RMDN2: variants seen among roughly 807,000 people sequenced by gnomAD.
RMDN2 encodes regulator of microtubule dynamics 2.
In RMDN2, 61 loss-of-function variants were observed where a neutral mutation model predicts 52.8. The observed-to-expected ratio is 1.16, with a 90% CI of 0.94 to 1.43. The LOEUF is 1.43. RMDN2 is among the 40% of genes most tolerant of loss of function. The pLI, the probability that RMDN2 is intolerant of heterozygous loss-of-function variation, is 0.00. For synonymous variants in RMDN2, 180 were observed against 153.1 expected (o/e 1.18, Z -1.30); for missense variants, 592 against 475.3 (o/e 1.25, Z -2.28).
At chr2:37,970,140 G>A (rs932911602) in intron 2 of RMDN2, among the ~76,000 whole-genome samples, 1 of 152,008 alleles carries the variant, frequency 6.6e-6, no homozygotes, top group Non-Finnish European at 1.5e-5. Flanking sequence ...GCCATGTTGT[G>A]CAGGCTAGTT....
chr2:37,955,481 G>C (rs1334693299), intron 2 of RMDN2, among the ~76,000 whole-genome samples: 1 of 152,034 alleles, frequency 6.6e-6, no homozygotes, highest in African/African-American at 2.4e-5. Context: ...TTTTGTTTAT[G>C]TGGTATTGAT....
chr2:37,971,986 A>G (rs1241228217), intron 2 of RMDN2, among the ~76,000 whole-genome samples: 2 of 152,190 alleles, frequency 1.3e-5, no homozygotes, highest in Non-Finnish European at 2.9e-5. Context: ...TGAACGTGAT[A>G]TATTTCTCCA....
At chr2:38,011,152 C>T (rs1456727068) in intron 10 of RMDN2, among the ~76,000 whole-genome samples, 2 of 152,206 alleles carry the variant, frequency 1.3e-5, no homozygotes, top group Non-Finnish European at 2.9e-5. Flanking sequence ...TTGCCATCCT[C>T]AGTCCTCAAT....
intron 2 of RMDN2, among the ~76,000 whole-genome samples, chr2:37,956,789 A>G (rs536420641): frequency 3.9e-5 from 6 of 152,060 alleles, no homozygotes; most frequent in Non-Finnish European, 8.8e-5. Flanking sequence ...TATTTGTCCT[A>G]ACGCTACCCC....
At chr2:37,978,190 C>T (rs939343622) in intron 4 of RMDN2, among the ~76,000 whole-genome samples, 10 of 152,052 alleles carry the variant, frequency 6.6e-5, no homozygotes, top group African/African-American at 2.2e-4. Context: ...CGTGGTGATG[C>T]GTGCCTGCAA....
intron 2 of RMDN2, among the ~76,000 whole-genome samples, chr2:37,947,648 C>T (rs1668331049): frequency 6.6e-6 from 1 of 152,136 alleles, no homozygotes; most frequent in Non-Finnish European, 1.5e-5. Flanking sequence ...ACTATAAAAA[C>T]AACTAAATTA....
intron 2 of RMDN2, among the ~76,000 whole-genome samples, chr2:37,938,576 GT>G (rs1233631177): frequency 6.6e-6 from 1 of 152,214 alleles, no homozygotes; most frequent in Non-Finnish European, 1.5e-5. Flanking sequence ...TTCAGAACTT[GT>G]TATTGGTCTA....
chr2:37,995,039 A>G (rs1335608046), intron 7 of RMDN2, among the ~76,000 whole-genome samples: 1 of 152,184 alleles, frequency 6.6e-6, no homozygotes, highest in African/African-American at 2.4e-5. Flanking sequence ...TAGGATGATG[A>G]AAATGTACTA....
chr2:38,026,407 T>A (rs1050483949), intron 10 of RMDN2, among the ~76,000 whole-genome samples: 1 of 152,146 alleles, frequency 6.6e-6, no homozygotes, highest in Non-Finnish European at 1.5e-5. Context: ...TGGAAGTTTA[T>A]CAATGTTGCT....
At chr2:37,929,794 A>G in intron 2 of RMDN2, 65 bp downstream of exon 2, 1 of 1,091,610 alleles carries the variant, frequency 9.2e-7, no homozygotes, top group Non-Finnish European at 1.3e-6. Context: ...TTATTTAGGT[A>G]TTTTCATTAT....
downstream of RMDN2, among the ~76,000 whole-genome samples, chr2:38,019,785 C>T (rs552867629): frequency 1.2e-4 from 18 of 151,938 alleles, no homozygotes; most frequent in South Asian, 1.5e-3. Flanking sequence ...ATTAGCTGAG[C>T]GTGGTGGTGC....
chr2:37,974,302 C>CATG, intron 3 of RMDN2, 88 bp downstream of exon 3: 1 of 804,968 alleles, frequency 1.2e-6, no homozygotes, highest in Non-Finnish European at 1.8e-6. Flanking sequence ...ATAATTGTGT[C>CATG]ATGGTTCCCA....
intron 2 of RMDN2, among the ~76,000 whole-genome samples, chr2:37,973,323 T>G (rs1377433038): frequency 6.6e-6 from 1 of 152,248 alleles, no homozygotes; most frequent in Non-Finnish European, 1.5e-5. Flanking sequence ...TTAGATCATC[T>G]TGAACTATAA....
At chr2:38,012,458 A>G in intron 10 of RMDN2, 1 of 381,350 alleles carries the variant, frequency 2.6e-6, no homozygotes, top group Non-Finnish European at 5.2e-6. Context: ...CAAGGCATTA[A>G]TATCGTACAA....
At chr2:37,988,878 T>G (rs1674391168) in intron 5 of RMDN2, among the ~76,000 whole-genome samples, 1 of 152,190 alleles carries the variant, frequency 6.6e-6, no homozygotes, top group Non-Finnish European at 1.5e-5. Flanking sequence ...AATAACTATT[T>G]GTATAAATTT....
chr2:38,036,000 A>C (rs987233341), intron 10 of RMDN2: 33 of 152,318 alleles, frequency 2.2e-4, no homozygotes, highest in African/African-American at 7.7e-4. Context: ...GAAGGAAATA[A>C]AATCTCAGGA....
intron 2 of RMDN2, among the ~76,000 whole-genome samples, chr2:37,956,323 CAATT>C (rs1558467702): frequency 6.6e-6 from 1 of 152,092 alleles, no homozygotes; most frequent in Non-Finnish European, 1.5e-5. Flanking sequence ...CTAGGTTAAT[CAATT>C]CGCTGGCATA....
intron 2 of RMDN2, among the ~76,000 whole-genome samples, chr2:37,957,525 T>G: frequency 6.6e-6 from 1 of 152,224 alleles, no homozygotes; most frequent in Non-Finnish European, 1.5e-5. Flanking sequence ...TTTAAGTTCC[T>G]TGTAGATTCT....
intron 4 of RMDN2, among the ~76,000 whole-genome samples, chr2:37,979,453 G>A (rs1047406241): frequency 6.6e-6 from 1 of 152,150 alleles, no homozygotes; most frequent in Admixed American, 6.5e-5. Context: ...GAGGGAGGAA[G>A]TGCAGAAGAT....
Sources: gnomAD v4.1 joint callset for allele counts (sites outside exome capture counted in the v4.1 genomes callset) on GRCh38, gnomAD v4.1.1 for gene constraint, MANE v1.5 for transcripts, NCBI Gene and HGNC (gene_info 2026-07-23, HGNC 2026-07-21) for gene names.